ELOVL6: variants seen among roughly 807,000 people sequenced by gnomAD.
ELOVL6 encodes very long chain fatty acid elongase 6.
ELOVL6 carries 8 observed loss-of-function variants against 31.7 expected under a neutral mutation model. The observed-to-expected ratio is 0.25, with a 90% CI of 0.15 to 0.45. The LOEUF (loss-of-function observed/expected upper bound fraction) is 0.45, where lower values mean the gene tolerates loss of function less well. Among genes scored for constraint, ELOVL6 ranks in the 20% least tolerant of loss-of-function variants. ELOVL6 has a pLI of 1.00. For synonymous variants in ELOVL6, 101 were observed against 117.7 expected (o/e 0.86, Z 0.92); for missense variants, 126 against 326.4 (o/e 0.39, Z 4.73).
At chr4:110,099,991 A>C (rs1326543216) in intron 2 of ELOVL6, among the ~76,000 whole-genome samples, 4 of 152,168 alleles carry the variant, frequency 2.6e-5, no homozygotes, top group Non-Finnish European at 5.9e-5. Context: ...GATTCACATA[A>C]CCAGAATTGT....
chr4:110,074,440 A>G (rs1195935808), intron 2 of ELOVL6, among the ~76,000 whole-genome samples: 1 of 152,130 alleles, frequency 6.6e-6, no homozygotes, highest in African/African-American at 2.4e-5. Context: ...TTAATTATTT[A>G]TTCAAGCAAT....
Position 110,122,743 on chromosome 4 carries a change from C to G in ELOVL6, c.90-17115G>C, listed in dbSNP as rs533887332. On this transcript the variant is annotated intron_variant, in intron 1 of 3. Coordinates refer to ENST00000302274, the MANE Select transcript of ELOVL6 (RefSeq NM_024090.3). The stretch of plus-strand genomic sequence containing the variant: ...CTACTCCTCTGGAATCATGTCATAA[C>G]TTTCCCCTGTGACACCCTGTGCTAC... Among the ~76,000 whole-genome samples, 7 of 152,320 alleles carry G rather than the reference C, an allele frequency of 4.6e-5. No individual in the cohort carries two copies. In the South Asian group the frequency reaches 1.2e-3, roughly 27 times the overall value.
At chr4:110,064,197 T>C (rs757229714) in intron 2 of ELOVL6, among the ~76,000 whole-genome samples, 3 of 152,074 alleles carry the variant, frequency 2.0e-5, no homozygotes, top group African/African-American at 4.8e-5. Context: ...GCAGTATACG[T>C]TTCTGCTCCC....
chr4:110,182,975 G>A (rs1259920572), intron 1 of ELOVL6, among the ~76,000 whole-genome samples: 1 of 151,986 alleles, frequency 6.6e-6, no homozygotes, highest in Non-Finnish European at 1.5e-5. Flanking sequence ...TTTCTCTCTT[G>A]CCCAAATTCC....
At chr4:110,182,379 A>G (rs185023581) in intron 1 of ELOVL6, among the ~76,000 whole-genome samples, 10 of 152,338 alleles carry the variant, frequency 6.6e-5, no homozygotes, top group Admixed American at 5.9e-4. Flanking sequence ...CAATGTCCTC[A>G]CAAACTGTCT....
At chr4:110,118,683 G>C (rs886650728) in intron 1 of ELOVL6, among the ~76,000 whole-genome samples, 1 of 152,106 alleles carries the variant, frequency 6.6e-6, no homozygotes, top group Non-Finnish European at 1.5e-5. Context: ...TGGCTGCTGT[G>C]AATAATGCTA....
rs1395173413 is a variant in ELOVL6 at position 110,084,142 on chromosome 4, A to G, written c.221+21355T>C. Among the ~76,000 whole-genome samples the G allele has an allele frequency of 2.9e-5, 3 of 104,738 alleles. 1 individual carries two copies. The highest frequency in any genetic ancestry group is 1.1e-4 in the African/African-American group (2 of 18,270). The allele number at this position is 104,738 out of a possible 152,430, so 68.7% of individuals were successfully genotyped here. The stretch of plus-strand genomic sequence containing the variant: ...TATAACATATATGTGATAATGATAT[A>G]TATGATATATATAACATATATGTGA... On this transcript the variant is annotated intron_variant, in intron 2 of 3. Transcript: ENST00000302274.
chr4:110,063,959 T>A (rs968002616), intron 2 of ELOVL6, among the ~76,000 whole-genome samples: 1 of 151,020 alleles, frequency 6.6e-6, no homozygotes, highest in Non-Finnish European at 1.5e-5. Flanking sequence ...ACGCCTGTAA[T>A]CCTAGCTACT....
chr4:110,141,775 C>G (rs1757966798), intron 1 of ELOVL6, among the ~76,000 whole-genome samples: 1 of 141,058 alleles, frequency 7.1e-6, no homozygotes, highest in Non-Finnish European at 1.5e-5. Flanking sequence ...TATATATATA[C>G]AGTATATATG....
intron 1 of ELOVL6, among the ~76,000 whole-genome samples, chr4:110,173,179 T>C (rs1052729146): frequency 6.6e-5 from 10 of 152,160 alleles, no homozygotes; most frequent in African/African-American, 2.4e-4. Context: ...GAACAAATTA[T>C]TGGGTGTGAC....
At chr4:110,172,107 G>A (rs1204729817) in intron 1 of ELOVL6, among the ~76,000 whole-genome samples, 1 of 152,138 alleles carries the variant, frequency 6.6e-6, no homozygotes, top group Non-Finnish European at 1.5e-5. Context: ...TCAGAGGTCA[G>A]AAATTCCAGA....
chr4:110,101,555 G>A (rs1290746438), intron 2 of ELOVL6, among the ~76,000 whole-genome samples: 1 of 152,162 alleles, frequency 6.6e-6, no homozygotes, highest in African/African-American at 2.4e-5. Flanking sequence ...TTGTCCACAT[G>A]ATTATATTTG....
chr4:110,105,366 G>C, intron 2 of ELOVL6, 131 bp downstream of exon 2: 1 of 964,506 alleles, frequency 1.0e-6, no homozygotes, highest in Non-Finnish European at 1.5e-6. Flanking sequence ...TTCTGAACAT[G>C]ACTTTATTTT....
chr4:110,119,748 G>A (rs1450144913), intron 1 of ELOVL6, among the ~76,000 whole-genome samples: 1 of 151,912 alleles, frequency 6.6e-6, no homozygotes, highest in African/African-American at 2.4e-5. Context: ...AAATCTTAAT[G>A]AAAAAAAATC....
intron 2 of ELOVL6, among the ~76,000 whole-genome samples, chr4:110,070,352 G>A (rs1210653899): frequency 2.0e-5 from 3 of 152,166 alleles, no homozygotes; most frequent in Non-Finnish European, 4.4e-5. Context: ...TGTATTCACA[G>A]TAAAGATTAA....
intron 2 of ELOVL6, 98 bp downstream of exon 2, chr4:110,105,399 T>C: frequency 7.8e-7 from 1 of 1,275,120 alleles, no homozygotes; most frequent in Admixed American, 2.3e-5. Flanking sequence ...TATTCAATAA[T>C]CAAAAATATC....
At chr4:110,124,073 C>T (rs1284579154) in intron 1 of ELOVL6, among the ~76,000 whole-genome samples, 11 of 152,274 alleles carry the variant, frequency 7.2e-5, no homozygotes, top group South Asian at 4.1e-4. Context: ...GAAGGTACCA[C>T]GGTAAAGTCT....
chr4:110,145,352 A>G (rs879418786), intron 1 of ELOVL6, among the ~76,000 whole-genome samples: 41 of 152,246 alleles, frequency 2.7e-4, no homozygotes, highest in African/African-American at 9.6e-4. Context: ...AATATACATG[A>G]TATCCAGGCA....
chr4:110,088,253 ATG>A (rs1257800257), intron 2 of ELOVL6, among the ~76,000 whole-genome samples: 1 of 152,184 alleles, frequency 6.6e-6, no homozygotes, highest in Non-Finnish European at 1.5e-5. Flanking sequence ...GGGAGTGAAA[ATG>A]AGAATAAACA....
Sources: gnomAD v4.1 joint callset for allele counts (sites outside exome capture counted in the v4.1 genomes callset) on GRCh38, gnomAD v4.1.1 for gene constraint, MANE v1.5 for transcripts, NCBI Gene and HGNC (gene_info 2026-07-23, HGNC 2026-07-21) for gene names.